GRM8: variants seen among roughly 807,000 people sequenced by gnomAD.
GRM8 encodes metabotropic glutamate receptor 8.
A neutral mutation model predicts 87.2 loss-of-function variants in GRM8; 47 were observed. The ratio of observed to expected loss-of-function variants is 0.54; its 90% CI spans 0.43 to 0.69. The LOEUF (loss-of-function observed/expected upper bound fraction) is 0.69. Among genes scored for constraint, GRM8 ranks in the 30% least tolerant of loss-of-function variants. The pLI is 0.00. For synonymous variants in GRM8, 396 were observed against 404.5 expected, an observed-to-expected ratio of 0.98 and a Z score of 0.25; for missense variants, 1,019 against 1,139.2, an observed-to-expected ratio of 0.89 and a Z score of 1.52.
chr7:126,646,467 T>A (rs1234015872), intron 7 of GRM8, among the ~76,000 whole-genome samples: 1 of 152,164 alleles, frequency 6.6e-6, no homozygotes, highest in Non-Finnish European at 1.5e-5. Flanking sequence ...TCATCCTTCA[T>A]CCCTCTGTAA....
chr7:126,995,895 A>C (rs1022450460), intron 3 of GRM8, among the ~76,000 whole-genome samples: 1 of 152,104 alleles, frequency 6.6e-6, no homozygotes, highest in African/African-American at 2.4e-5. Flanking sequence ...TTTTACCCAA[A>C]GAAGACTACC....
At chr7:126,859,976 A>G (rs1377784905) in intron 6 of GRM8, among the ~76,000 whole-genome samples, 1 of 145,832 alleles carries the variant, frequency 6.9e-6, no homozygotes, top group Non-Finnish European at 1.5e-5. Flanking sequence ...GTTCTGAGGA[A>G]TTTATTTCTC....
chr7:126,537,308 A>G (rs1043654627), intron 8 of GRM8, among the ~76,000 whole-genome samples: 13 of 152,214 alleles, frequency 8.5e-5, no homozygotes, highest in Admixed American at 8.5e-4. Flanking sequence ...AATTTTCATC[A>G]AGGAATCTTT....
At chr7:127,234,186 A>G (rs1193063846) in intron 2 of GRM8, among the ~76,000 whole-genome samples, 1 of 152,238 alleles carries the variant, frequency 6.6e-6, no homozygotes, top group East Asian at 1.9e-4. Flanking sequence ...AATTGCTGGT[A>G]GCTGAGACAA....
chr7:127,118,043 A>G (rs751219679), intron 2 of GRM8, among the ~76,000 whole-genome samples: 3 of 152,234 alleles, frequency 2.0e-5, no homozygotes, highest in Non-Finnish European at 4.4e-5. Context: ...ATCCGCATTC[A>G]CAAAATCTTA....
At chr7:127,167,636 T>C (rs990444841) in intron 2 of GRM8, among the ~76,000 whole-genome samples, 4 of 152,160 alleles carry the variant, frequency 2.6e-5, no homozygotes, top group African/African-American at 9.7e-5. Flanking sequence ...GATGGAATTA[T>C]TATAATTGTT....
chr7:127,125,015 T>C (rs960205578), intron 2 of GRM8, among the ~76,000 whole-genome samples: 1 of 152,116 alleles, frequency 6.6e-6, no homozygotes. Context: ...AACGTGATAA[T>C]GGACATCTGT....
At chr7:126,783,406 A>G (rs527877748) in intron 6 of GRM8, among the ~76,000 whole-genome samples, 1 of 152,320 alleles carries the variant, frequency 6.6e-6, no homozygotes, top group East Asian at 1.9e-4. Context: ...CACTCTAGGA[A>G]ACTATTATGA....
At chr7:126,585,860 G>T (rs1796065653) in intron 8 of GRM8, among the ~76,000 whole-genome samples, 1 of 152,096 alleles carries the variant, frequency 6.6e-6, no homozygotes, top group East Asian at 1.9e-4. Context: ...GAAATAAAGG[G>T]TATTCAATTA....
chr7:126,853,927 G>A (rs1797451154), intron 6 of GRM8, among the ~76,000 whole-genome samples: 1 of 152,186 alleles, frequency 6.6e-6, no homozygotes, highest in African/African-American at 2.4e-5. Flanking sequence ...GCTGAGTCAG[G>A]TACCCATGCT....
At chr7:126,762,746 GT>G (rs933366431) in intron 7 of GRM8, among the ~76,000 whole-genome samples, 7 of 151,316 alleles carry the variant, frequency 4.6e-5, no homozygotes, top group Admixed American at 2.6e-4. Context: ...ATTGTGATTT[GT>G]TTTTTTCAAT....
intron 3 of GRM8, among the ~76,000 whole-genome samples, chr7:127,022,983 G>A (rs1201068844): frequency 6.6e-6 from 1 of 152,116 alleles, no homozygotes; most frequent in East Asian, 1.9e-4. Flanking sequence ...AATTAGAGTA[G>A]GTGACTTTCT....
At chr7:127,227,154 G>A (rs1157284007) in intron 2 of GRM8, among the ~76,000 whole-genome samples, 1 of 152,216 alleles carries the variant, frequency 6.6e-6, no homozygotes, top group Non-Finnish European at 1.5e-5. Context: ...ACTCTGTAGT[G>A]ATGGGAGAAA....
At chr7:126,982,305 G>A (rs190916659) in intron 3 of GRM8, among the ~76,000 whole-genome samples, 108 of 152,288 alleles carry the variant, frequency 7.1e-4, no homozygotes, top group Admixed American at 5.8e-3. Flanking sequence ...TGACTCAAAT[G>A]TTAATCTCCT....
chr7:126,969,007 T>C (rs1360743144), intron 3 of GRM8, among the ~76,000 whole-genome samples: 4 of 152,232 alleles, frequency 2.6e-5, no homozygotes, highest in African/African-American at 9.6e-5. Context: ...CATATAAAAG[T>C]AATGTTTAGG....
intron 9 of GRM8, among the ~76,000 whole-genome samples, chr7:126,469,765 A>C (rs10954115): frequency 0.33 from 49,545 of 152,038 alleles, 8,358 homozygotes; most frequent in South Asian, 0.45. Context: ...CCTAGTCTCG[A>C]GTATGTCTTC....
At chr7:126,766,400 A>C (rs989499879) in intron 7 of GRM8, among the ~76,000 whole-genome samples, 2 of 152,154 alleles carry the variant, frequency 1.3e-5, no homozygotes, top group African/African-American at 2.4e-5. Flanking sequence ...AATTATGTCA[A>C]AAAGAACTAA....
chr7:127,232,589 G>A (rs1302674120), intron 2 of GRM8, among the ~76,000 whole-genome samples: 1 of 152,078 alleles, frequency 6.6e-6, no homozygotes. Context: ...TACCTTTAAT[G>A]CTAATCTGCC....
intron 3 of GRM8, among the ~76,000 whole-genome samples, chr7:126,911,823 C>A (rs111829302): frequency 6.6e-6 from 1 of 152,138 alleles, no homozygotes; most frequent in Non-Finnish European, 1.5e-5. Flanking sequence ...TCAATCAGTG[C>A]GATGATTCAT....
Sources: gnomAD v4.1 joint callset for allele counts (sites outside exome capture counted in the v4.1 genomes callset) on GRCh38, gnomAD v4.1.1 for gene constraint, MANE v1.5 for transcripts, NCBI Gene and HGNC (gene_info 2026-07-23, HGNC 2026-07-21) for gene names.